The following UPRT variants were observed in gnomAD, a reference collection of about 807,000 sequenced individuals.
UPRT encodes the protein uracil phosphoribosyltransferase homolog.
A neutral mutation model predicts 22.6 loss-of-function variants in UPRT; 5 were observed. The ratio of observed to expected loss-of-function variants is 0.22; its 90% CI spans 0.12 to 0.47. The LOEUF (loss-of-function observed/expected upper bound fraction) is 0.47, where lower values mean the gene tolerates loss of function less well. Among genes scored for constraint, UPRT ranks in the 20% least tolerant of loss-of-function variants. UPRT has a pLI of 0.99. For missense variants in UPRT, 181 were observed against 239.9 expected (o/e 0.75, Z 1.62); for synonymous variants, 77 against 87.7 (o/e 0.88, Z 0.68).
intron 3 of UPRT, among the ~76,000 whole-genome samples, chrX:75,166,237 C>G (rs1018705438): frequency 2.7e-5 from 3 of 111,749 alleles, no homozygotes; most frequent in Non-Finnish European, 5.6e-5. Flanking sequence ...CCCTGTTTTT[C>G]AACCCTCTTT....
intron 4 of UPRT, among the ~76,000 whole-genome samples, chrX:75,262,072 T>C (rs181530711): frequency 1.1e-3 from 126 of 111,487 alleles, no homozygotes; most frequent in Non-Finnish European, 1.9e-3. Context: ...CCCATCAGAC[T>C]AACAACAGAT....
At chrX:75,200,822 G>T (rs144831559) in intron 4 of UPRT, among the ~76,000 whole-genome samples, 3,165 of 111,012 alleles carry the variant, frequency 0.029, 116 homozygotes, top group African/African-American at 0.099. Context: ...GCTAATGCCT[G>T]TAGTTCTAGC....
intron 1 of UPRT, chrX:75,156,780 G>A (rs763568257): frequency 3.1e-6 from 1 of 326,465 alleles, no homozygotes; most frequent in Non-Finnish European, 5.9e-6. Context: ...CCTGGGAGGA[G>A]GCTTCAGCTG....
chrX:75,182,100 A>G (rs1489058621), intron 4 of UPRT, among the ~76,000 whole-genome samples: 2 of 111,934 alleles, frequency 1.8e-5, no homozygotes, highest in Admixed American at 1.9e-4. Flanking sequence ...ATCTATTGAG[A>G]TGATCATGTT....
chrX:75,177,308 G>A (rs887677819), intron 4 of UPRT, among the ~76,000 whole-genome samples: 2 of 111,312 alleles, frequency 1.8e-5, no homozygotes, highest in South Asian at 3.9e-4. Context: ...TGCACTTACC[G>A]ACGCAGCAGC....
At chrX:75,252,600 T>G (rs1267205846) in intron 4 of UPRT, among the ~76,000 whole-genome samples, 4 of 112,063 alleles carry the variant, frequency 3.6e-5, no homozygotes, top group Non-Finnish European at 7.5e-5. Flanking sequence ...GGTGGGACTG[T>G]AAACTAGTTT....
intron 4 of UPRT, among the ~76,000 whole-genome samples, chrX:75,223,417 C>G (rs1449760216): frequency 9.0e-6 from 1 of 111,203 alleles, no homozygotes; most frequent in Non-Finnish European, 1.9e-5. Flanking sequence ...CTAGAACTTT[C>G]CTAGACTTGC....
chrX:75,188,955 A>G (rs1425051070), intron 4 of UPRT, among the ~76,000 whole-genome samples: 1 of 112,080 alleles, frequency 8.9e-6, no homozygotes, highest in African/African-American at 3.2e-5. Flanking sequence ...CTTCAGATGG[A>G]AATGCAGAAA....
At chrX:75,248,180 GCTC>G (rs766967627) in intron 4 of UPRT, among the ~76,000 whole-genome samples, 38 of 111,994 alleles carry the variant, frequency 3.4e-4, no homozygotes, top group Non-Finnish European at 6.8e-4. Flanking sequence ...AAGGAACGCA[GCTC>G]CTCACCAGCA....
chrX:75,281,928 C>T (rs7882816), intron 1 of UPRT, among the ~76,000 whole-genome samples: 1,375 of 110,533 alleles, frequency 0.012, 20 homozygotes, highest in African/African-American at 0.043. Context: ...TTTAAATTAC[C>T]ATTTCAGTCT....
chrX:75,262,081 A>C (rs1220840992), intron 4 of UPRT, among the ~76,000 whole-genome samples: 1 of 111,773 alleles, frequency 8.9e-6, no homozygotes, highest in African/African-American at 3.3e-5. Flanking sequence ...CTAACAACAG[A>C]TGCCTCCGCA....
intron 4 of UPRT, among the ~76,000 whole-genome samples, chrX:75,188,854 G>A (rs185648088): frequency 7.2e-5 from 8 of 111,868 alleles, no homozygotes; most frequent in Non-Finnish European, 1.1e-4. Context: ...CGCTTCCCGA[G>A]TGAGGCAATG....
chrX:75,185,935 GCGGTC>G (rs1419043688), intron 4 of UPRT, among the ~76,000 whole-genome samples: 2 of 111,005 alleles, frequency 1.8e-5, no homozygotes, highest in Non-Finnish European at 3.8e-5. Flanking sequence ...AGTCTTGGTA[GCGGTC>G]TATCAATTTT....
chrX:75,252,626 C>T (rs899435327), intron 4 of UPRT, among the ~76,000 whole-genome samples: 4 of 111,930 alleles, frequency 3.6e-5, no homozygotes, highest in African/African-American at 9.7e-5. Flanking sequence ...TTGTGGAAGT[C>T]AGTGTGGCGA....
intron 4 of UPRT, among the ~76,000 whole-genome samples, chrX:75,258,333 G>T (rs1045867391): frequency 1.8e-5 from 2 of 108,835 alleles, no homozygotes; most frequent in African/African-American, 3.4e-5. Flanking sequence ...GGCTTGGCAG[G>T]TCCCACCCCC....
intron 4 of UPRT, among the ~76,000 whole-genome samples, chrX:75,216,856 G>A (rs1363482549): frequency 8.0e-5 from 9 of 112,033 alleles, no homozygotes; most frequent in Non-Finnish European, 1.5e-4. Flanking sequence ...CTGGGTTCAC[G>A]CCATTCTCCT....
chrX:75,229,433 C>T (rs898821749), intron 4 of UPRT, among the ~76,000 whole-genome samples: 5 of 111,922 alleles, frequency 4.5e-5, no homozygotes, highest in Non-Finnish European at 9.4e-5. Flanking sequence ...CCAATTCTTG[C>T]TCCAAGAACT....
intron 4 of UPRT, among the ~76,000 whole-genome samples, chrX:75,222,945 A>G (rs763622998): frequency 9.0e-6 from 1 of 110,577 alleles, no homozygotes; most frequent in Non-Finnish European, 1.9e-5. Flanking sequence ...GTTCTGGGTC[A>G]CATCTGAAAC....
At chrX:75,196,175 C>CT (rs2082332058) in intron 4 of UPRT, among the ~76,000 whole-genome samples, 1 of 111,727 alleles carries the variant, frequency 9.0e-6, no homozygotes, top group Admixed American at 9.5e-5. Flanking sequence ...TTATTAAAAA[C>CT]TTTTTTTAAA....
Sources: gnomAD v4.1 joint callset for allele counts (sites outside exome capture counted in the v4.1 genomes callset) on GRCh38, gnomAD v4.1.1 for gene constraint, MANE v1.5 for transcripts, NCBI Gene and HGNC (gene_info 2026-07-23, HGNC 2026-07-21) for gene names.